CEP57: variants seen among roughly 807,000 people sequenced by gnomAD.
CEP57 encodes the protein centrosomal protein of 57 kDa.
CEP57 carries 40 observed loss-of-function variants against 68.0 expected under a neutral mutation model. The observed-to-expected ratio is 0.59, with a 90% CI of 0.46 to 0.77. The LOEUF is 0.77. CEP57 is among the 30% of genes least tolerant of loss of function. The probability of loss-of-function intolerance (pLI) is 0.00; values close to 1 mark genes in which losing one functional copy is unlikely to be tolerated. For missense variants in CEP57, 606 were observed against 580.7 expected (o/e 1.04, Z -0.45); for synonymous variants, 219 against 198.7 (o/e 1.10, Z -0.86).
intron 2 of CEP57, among the ~76,000 whole-genome samples, chr11:95,811,188 A>G (rs1862045040): frequency 6.6e-6 from 1 of 152,266 alleles, no homozygotes; most frequent in South Asian, 2.1e-4. Context: ...ACCAGCCTAA[A>G]TGTCCATCAA....
At chr11:95,817,113 A>C (rs367658513) in intron 4 of CEP57, among the ~76,000 whole-genome samples, 1 of 152,100 alleles carries the variant, frequency 6.6e-6, no homozygotes, top group South Asian at 2.1e-4. Context: ...CACGCCTGTA[A>C]TCTCAGCACT....
intron 2 of CEP57, among the ~76,000 whole-genome samples, chr11:95,811,128 A>G (rs886651178): frequency 1.3e-5 from 2 of 152,208 alleles, no homozygotes; most frequent in African/African-American, 4.8e-5. Flanking sequence ...ATAAAGACAC[A>G]TACACATGTA....
Position 95,822,420 on chromosome 11 carries a change from G to A in CEP57, c.808-79G>A. ...AGTAGTAGCCTAGTAGTTAACTGAA[G>A]TTTCAAGTTAGTCATGTATAGTCAG... is the stretch of plus-strand genomic sequence containing the variant. On this transcript the variant is annotated intron_variant, in intron 7 of 10. Coordinates refer to ENST00000325542, the MANE Select transcript of CEP57 (RefSeq NM_014679.5). 4.5e-6 allele frequency: 5 copies of A among 1,105,848 alleles called. No individual in the cohort carries two copies. The South Asian group carries it at 6.5e-5, about 14-fold the overall frequency. The allele number at this position is 1,105,848 out of a possible 1,614,324, so 68.5% of individuals were successfully genotyped here.
chr11:95,811,752 T>C (rs1028029991), intron 2 of CEP57, among the ~76,000 whole-genome samples: 1 of 152,088 alleles, frequency 6.6e-6, no homozygotes, highest in Non-Finnish European at 1.5e-5. Flanking sequence ...CAATAACATA[T>C]ATGAAAAGAT....
chr11:95,796,155 A>G (rs1421634915), intron 1 of CEP57, among the ~76,000 whole-genome samples: 1 of 152,252 alleles, frequency 6.6e-6, no homozygotes, highest in Non-Finnish European at 1.5e-5. Context: ...TTATAAAGAA[A>G]GCAAGTAATA....
At chr11:95,812,768 A>C in intron 2 of CEP57, 164 bp from the exon 3 acceptor site, 1 of 705,158 alleles carries the variant, frequency 1.4e-6, no homozygotes, top group Admixed American at 2.2e-5. Context: ...TGATTTTTTA[A>C]AAAACAAATA....
chr11:95,828,800 C>G (rs1320356615), intron 9 of CEP57, among the ~76,000 whole-genome samples: 2 of 152,044 alleles, frequency 1.3e-5, no homozygotes, highest in Non-Finnish European at 2.9e-5. Context: ...TGGTGGCTCA[C>G]ACCTGTAATC....
rs138231644 is a variant in CEP57, at chr11:95,796,142, C to T, written c.46-3090C>T. On this transcript the variant is annotated intron_variant, in intron 1 of 10. Transcript: ENST00000325542. ...TATCTTGCAGCTGTGTTGCATGTGCCACTTATAAAGAAAGCAAGTAATATG... is the reference window on the plus strand; with the variant it reads ...TATCTTGCAGCTGTGTTGCATGTGCTACTTATAAAGAAAGCAAGTAATATG... Among the ~76,000 whole-genome samples, 329 of 152,282 alleles carry T rather than the reference C, an allele frequency of 2.2e-3. 1 individual carries two copies. Among genetic ancestry groups the T allele is most frequent in the African/African-American group, 7.7e-3 (321 of 41,558 alleles).
intron 5 of CEP57, among the ~76,000 whole-genome samples, chr11:95,818,205 A>T (rs1565326781): frequency 1.3e-5 from 2 of 152,054 alleles, no homozygotes; most frequent in Non-Finnish European, 2.9e-5. Flanking sequence ...TGAGGTCAGG[A>T]GTTCAAGACC....
chr11:95,805,776 G>C (rs1237389759), intron 2 of CEP57, among the ~76,000 whole-genome samples: 1 of 152,078 alleles, frequency 6.6e-6, no homozygotes, highest in African/African-American at 2.4e-5. Context: ...CAGAATAGAA[G>C]AAAGATCTGA....
At chr11:95,793,775 A>G (rs1056151478) in intron 1 of CEP57, among the ~76,000 whole-genome samples, 2 of 152,370 alleles carry the variant, frequency 1.3e-5, no homozygotes, top group East Asian at 1.9e-4. Context: ...TTCTCTAGCT[A>G]GTAAATGACA....
intron 9 of CEP57, 32 bp from the exon 10 acceptor site, chr11:95,829,155 T>G (rs1862884364): frequency 6.2e-7 from 1 of 1,612,074 alleles, no homozygotes. Flanking sequence ...CACAGAAAAC[T>G]TAACCATGTT....
chr11:95,808,800 CAG>C (rs1360200293), intron 2 of CEP57, among the ~76,000 whole-genome samples: 2 of 152,126 alleles, frequency 1.3e-5, no homozygotes, highest in African/African-American at 2.4e-5. Flanking sequence ...ATCAGCGAGA[CAG>C]AAAGTTAACA....
rs769442993 is a variant in CEP57, at chr11:95,818,412, A to C, written c.622-415A>C. Among the ~76,000 whole-genome samples, 353 of 76,038 alleles carry C rather than the reference A, an allele frequency of 4.6e-3. 1 individual carries two copies. The highest frequency in any genetic ancestry group is 8.9e-3 in the Non-Finnish European group (225 of 25,342). The allele number at this position is 76,038 out of a possible 152,430, so 49.9% of individuals were successfully genotyped here. A position where few individuals can be genotyped will look rare whatever the true frequency, so the allele number is the denominator to read the frequency against. ...GGCAACAAGAGCGAAACTCCATCTCAAAAAAAAAAAAAAATTAAATGTTTT... is the reference window on the plus strand; with the variant it reads ...GGCAACAAGAGCGAAACTCCATCTCCAAAAAAAAAAAAAATTAAATGTTTT... On this transcript the variant is annotated intron_variant, in intron 5 of 10. Transcript: ENST00000325542.
At chr11:95,807,526 G>T (rs914340301) in intron 2 of CEP57, among the ~76,000 whole-genome samples, 4 of 152,174 alleles carry the variant, frequency 2.6e-5, no homozygotes, top group Admixed American at 2.6e-4. Context: ...GACCTTAAAT[G>T]ACCTGATGGA....
rs749693319 is a variant in CEP57 at position 95,799,274 on chromosome 11, C to A, written c.88C>A (p.Arg30=). ...ATCAAGGTCTAATGGAAGCATGGTT[C>A]GGCATTCTTCATCTCCATATGTAGT... ...EPSRSNGSMV[R]HSSSPYVVYP... Residue 30 remains arginine (R), a synonymous_variant, in exon 2 of 11, where the codon CGG becomes AGG. Coordinates refer to ENST00000325542, the MANE Select transcript of CEP57 (RefSeq NM_014679.5). 3 of 1,613,884 alleles carry A rather than the reference C, an allele frequency of 1.9e-6. No individual in the cohort carries two copies. The highest frequency in any genetic ancestry group is 2.5e-6 in the Non-Finnish European group (3 of 1,179,906).
At chr11:95,798,868 A>T (rs1861456103) in intron 1 of CEP57, among the ~76,000 whole-genome samples, 1 of 152,178 alleles carries the variant, frequency 6.6e-6, no homozygotes, top group South Asian at 2.1e-4. Context: ...TAATTCAGTC[A>T]TTTGTAGCAG....
chr11:95,795,082 A>G (rs1460388618), intron 1 of CEP57, among the ~76,000 whole-genome samples: 3 of 152,158 alleles, frequency 2.0e-5, no homozygotes, highest in African/African-American at 7.2e-5. Flanking sequence ...CAAGAGAAAT[A>G]TTAGCTATTG....
upstream of CEP57, chr11:95,790,349 G>A (rs968413063): frequency 1.8e-4 from 75 of 415,926 alleles, no homozygotes; most frequent in Non-Finnish European, 2.8e-4. Context: ...CCGCAGAGCC[G>A]GCCTGTAACC....
Sources: gnomAD v4.1 joint callset for allele counts (sites outside exome capture counted in the v4.1 genomes callset) on GRCh38, gnomAD v4.1.1 for gene constraint, MANE v1.5 for transcripts, NCBI Gene and HGNC (gene_info 2026-07-23, HGNC 2026-07-21) for gene names.